Variants in CPT1A observed in about 807,000 individuals in gnomAD.
The protein encoded by CPT1A is carnitine O-palmitoyltransferase 1, liver isoform.
A neutral mutation model predicts 100.8 loss-of-function variants in CPT1A; 64 were observed. The observed-to-expected ratio is 0.63, with a 90% CI of 0.52 to 0.78. The LOEUF (loss-of-function observed/expected upper bound fraction) is 0.78, where lower values mean the gene tolerates loss of function less well. Ranked by LOEUF, CPT1A falls within the 30% of genes least tolerant of loss-of-function variation. CPT1A has a pLI of 0.00. For synonymous variants in CPT1A, 363 were observed against 396.0 expected, an observed-to-expected ratio of 0.92 and a Z score of 0.99; for missense variants, 802 against 1,034.1, an observed-to-expected ratio of 0.78 and a Z score of 3.08.
In CPT1A at chr11:68,757,522, A is replaced by T. The variant is rs1038473059; in HGVS notation, c.*122T>A. 110 of 1,546,540 alleles carry T rather than the reference A, an allele frequency of 7.1e-5. No homozygotes were observed. The highest frequency in any genetic ancestry group is 7.7e-5 in the Non-Finnish European group (89 of 1,149,050). Reference sequence around the variant, plus strand: ...AAAAAAAAACACCCACATTTTCTGGAAGGAAAACTGAGTTTTTTTAAGAGC... The same window carrying T: ...AAAAAAAAACACCCACATTTTCTGGTAGGAAAACTGAGTTTTTTTAAGAGC... On this transcript the variant is annotated 3_prime_UTR_variant, in exon 19 of 19. Transcript: ENST00000265641.
At chr11:68,762,191 C>T (rs1008134490) in intron 15 of CPT1A, among the ~76,000 whole-genome samples, 1 of 152,148 alleles carries the variant, frequency 6.6e-6, no homozygotes, top group Non-Finnish European at 1.5e-5. Flanking sequence ...GGACAATGTA[C>T]AGAAAACCCC....
At chr11:68,838,580 A>AAAAAAAAAAC (rs1555235326) in intron 1 of CPT1A, among the ~76,000 whole-genome samples, 6 of 145,036 alleles carry the variant, frequency 4.1e-5, no homozygotes, top group African/African-American at 7.6e-5. Flanking sequence ...TTTAAAAAAA[A>AAAAAAAAAAC]AAAAAAAAAA....
intron 14 of CPT1A, among the ~76,000 whole-genome samples, chr11:68,770,366 G>A (rs928882196): frequency 3.3e-5 from 5 of 152,152 alleles, no homozygotes; most frequent in East Asian, 3.9e-4. Context: ...CCTCTTAATC[G>A]TCAAAGCCTT....
At chr11:68,829,850 C>CAAAAAAAAA (rs1402167731) in intron 1 of CPT1A, among the ~76,000 whole-genome samples, 3 of 152,226 alleles carry the variant, frequency 2.0e-5, no homozygotes, top group African/African-American at 7.2e-5. Context: ...AAAAACAACA[C>CAAAAAAAAA]ATCGTCTGGC....
chr11:68,815,628 A>G (rs1157503888), intron 1 of CPT1A, 141 bp from the exon 2 acceptor site: 2 of 797,224 alleles, frequency 2.5e-6, no homozygotes, highest in African/African-American at 1.7e-5. Flanking sequence ...CAACAGACCA[A>G]TTCCATCACC....
At chr11:68,831,801 T>C (rs552477108) in intron 1 of CPT1A, among the ~76,000 whole-genome samples, 1 of 151,992 alleles carries the variant, frequency 6.6e-6, no homozygotes, top group South Asian at 2.1e-4. Context: ...GCCTGGCTAA[T>C]TTTGTATTTT....
chr11:68,815,523 C>T (rs772538117), intron 1 of CPT1A, 36 bp from the exon 2 acceptor site: 1 of 1,601,978 alleles, frequency 6.2e-7, no homozygotes, highest in Non-Finnish European at 8.5e-7. Context: ...CACAGTGGAA[C>T]GTGTGACCAG....
upstream of CPT1A, among the ~76,000 whole-genome samples, chr11:68,843,130 C>G (rs1035751890): frequency 6.6e-6 from 1 of 152,062 alleles, no homozygotes; most frequent in Non-Finnish European, 1.5e-5. This position sits in a 1 kb window ranked among gnomAD's most constrained non-coding sequence, Gnocchi z 4.0. Context: ...TCCCGCCCCC[C>G]ACCACCGCTG....
At chr11:68,840,003 T>C (rs1857120473) in intron 1 of CPT1A, among the ~76,000 whole-genome samples, 1 of 152,240 alleles carries the variant, frequency 6.6e-6, no homozygotes. Context: ...AACCTGGCCC[T>C]TTTTATTGTT....
intron 1 of CPT1A, among the ~76,000 whole-genome samples, chr11:68,817,164 T>G (rs1856449888): frequency 6.8e-6 from 1 of 147,254 alleles, no homozygotes; most frequent in African/African-American, 2.6e-5. Flanking sequence ...TGTGTGTGTG[T>G]GTGTGGTGTG....
At chr11:68,799,691 G>A (rs1259519086) in intron 5 of CPT1A, among the ~76,000 whole-genome samples, 9 of 151,918 alleles carry the variant, frequency 5.9e-5, no homozygotes, top group Admixed American at 2.6e-4. Context: ...AGAAGGTTGC[G>A]GCTGCAGTGA....
At chr11:68,772,390 G>C (rs1473762023) in intron 14 of CPT1A, among the ~76,000 whole-genome samples, 1 of 152,100 alleles carries the variant, frequency 6.6e-6, no homozygotes, top group Admixed American at 6.5e-5. Flanking sequence ...CCAATGCCAC[G>C]ATGACTTGTG....
intron 1 of CPT1A, among the ~76,000 whole-genome samples, chr11:68,838,711 C>G (rs1857084701): frequency 6.6e-6 from 1 of 152,048 alleles, no homozygotes; most frequent in South Asian, 2.1e-4. Context: ...GTAGCTGGGA[C>G]CACAGATGCA....
chr11:68,778,818 C>T (rs187438247), intron 12 of CPT1A, among the ~76,000 whole-genome samples: 1 of 151,686 alleles, frequency 6.6e-6, no homozygotes, highest in East Asian at 2.0e-4. Context: ...TGGAGTCTCA[C>T]TCTTTCGTCC....
chr11:68,781,676 G>A (rs544013191), intron 11 of CPT1A, 95 bp downstream of exon 11: 1 of 1,061,500 alleles, frequency 9.4e-7, no homozygotes, highest in East Asian at 2.4e-5. Flanking sequence ...TTCTTTCTTA[G>A]CATTATAGAT....
In CPT1A at chr11:68,781,859, C is replaced by T. The variant is rs2153997924; in HGVS notation, c.1264G>A (p.Glu422Lys). ...EKAAFFVTLDETEEGYRSEDP... is the reference protein window; with the variant it reads ...EKAAFFVTLDKTEEGYRSEDP... ...TCACTTCTGTATCCTTCTTCAGTTT[C>T]ATCTAACGTCACAAAGAACGCTGCT... The change falls in exon 11 of 19, where the codon GAA (glutamate) becomes AAA (lysine). Residue 422 changes from glutamate to lysine, a missense_variant. Physicochemically the swap from Glu to Lys is moderately conservative, Grantham distance 56. Around this residue, in one of 4 missense-constraint regions of CPT1A, gnomAD observed 627 missense variants for 799.3 expected, o/e 0.78. Transcript: ENST00000265641. The T allele has an allele frequency of 1.9e-6, 3 of 1,614,126 alleles. No individual in the cohort carries two copies. In the East Asian group the frequency reaches 6.7e-5, roughly 36 times the overall value.
At chr11:68,793,271 G>A in intron 9 of CPT1A, 44 bp downstream of exon 9, 4 of 1,453,070 alleles carry the variant, frequency 2.8e-6, no homozygotes. Flanking sequence ...CATAGGGATG[G>A]AAAGTGCCGA....
chr11:68,761,458 G>T, intron 16 of CPT1A, 77 bp downstream of exon 16: 4 of 1,494,580 alleles, frequency 2.7e-6, no homozygotes, highest in Admixed American at 1.7e-5. Flanking sequence ...ATTAAAATAT[G>T]TTCATGCAAG....
intron 1 of CPT1A, among the ~76,000 whole-genome samples, chr11:68,838,275 A>C (rs1857061092): frequency 6.6e-6 from 1 of 152,040 alleles, no homozygotes; most frequent in African/African-American, 2.4e-5. Context: ...ACCAAAAAAA[A>C]GGCAAAGGCA....
Sources: gnomAD v4.1 joint callset for allele counts (sites outside exome capture counted in the v4.1 genomes callset) on GRCh38, gnomAD v4.1.1 for gene constraint, gnomAD v4.1.1 regional missense constraint, Gnocchi (gnomAD v3.1) non-coding constraint, MANE v1.5 for transcripts, NCBI Gene and HGNC (gene_info 2026-07-23, HGNC 2026-07-21) for gene names.